NTM: variants seen among roughly 807,000 people sequenced by gnomAD.
The protein encoded by NTM is neurotrimin.
A neutral mutation model predicts 42.1 loss-of-function variants in NTM; 13 were observed. The observed-to-expected ratio is 0.31, with a 90% confidence interval of 0.20 to 0.49. The LOEUF (loss-of-function observed/expected upper bound fraction) is 0.49. NTM is among the 20% of genes least tolerant of loss of function. The probability of loss-of-function intolerance (pLI) is 0.99; values close to 1 mark genes in which losing one functional copy is unlikely to be tolerated. For missense variants in NTM, 373 were observed against 452.8 expected, an observed-to-expected ratio of 0.82 and a Z score of 1.60; for synonymous variants, 187 against 179.2, an observed-to-expected ratio of 1.04 and a Z score of -0.35.
chr11:132,317,225 CTCGT>C (rs1394877100), intron 7 of NTM, among the ~76,000 whole-genome samples: 2 of 152,282 alleles, frequency 1.3e-5, no homozygotes, highest in East Asian at 3.9e-4. Context: ...CTCTGGGGAG[CTCGT>C]TCGTTCCTAC....
At chr11:131,648,811 G>T (rs1399481452) in intron 1 of NTM, among the ~76,000 whole-genome samples, 2 of 152,114 alleles carry the variant, frequency 1.3e-5, no homozygotes, top group African/African-American at 4.8e-5. Flanking sequence ...CTTACTAAAG[G>T]GTGGGAAGAT....
rs565480599 is a variant in NTM at position 131,900,669 on chromosome 11, A to G, written c.83-10895A>G. On this transcript the variant is annotated intron_variant, in intron 1 of 8. Coordinates refer to ENST00000683400, the MANE Select transcript of NTM (RefSeq NM_001352005.2). ...AGAGAAAGAGGGAGAGAGAGAGAGAAAGAGAGAGAGAGAGATTGGGTAATG... is the reference window on the plus strand; with the variant it reads ...AGAGAAAGAGGGAGAGAGAGAGAGAGAGAGAGAGAGAGAGATTGGGTAATG... Among the ~76,000 whole-genome samples the G allele has an allele frequency of 2.6e-3, 386 of 150,736 alleles. 2 individuals carry two copies. The highest frequency in any genetic ancestry group is 8.6e-3 in the African/African-American group (355 of 41,154).
intron 7 of NTM, among the ~76,000 whole-genome samples, chr11:132,328,738 T>G (rs1377775409): frequency 2.2e-4 from 33 of 152,088 alleles, no homozygotes; most frequent in Admixed American, 2.2e-3. Context: ...CTCCTTCCAG[T>G]TATCTTTTTT....
At chr11:132,217,251 A>C (rs2084038365) in intron 4 of NTM, among the ~76,000 whole-genome samples, 1 of 152,156 alleles carries the variant, frequency 6.6e-6, no homozygotes, top group Admixed American at 6.5e-5. Flanking sequence ...CATTCCTTAT[A>C]GGTTAACTAA....
At chr11:131,761,226 C>T (rs2084123520) in intron 1 of NTM, among the ~76,000 whole-genome samples, 1 of 152,150 alleles carries the variant, frequency 6.6e-6, no homozygotes. Context: ...CATCCTATTC[C>T]TCACAGCAGT....
intron 3 of NTM, among the ~76,000 whole-genome samples, chr11:132,160,571 G>A (rs1006115182): frequency 6.6e-6 from 1 of 152,222 alleles, no homozygotes; most frequent in African/African-American, 2.4e-5. Flanking sequence ...GGTAGAGCAC[G>A]AATGCCCTAG....
At chr11:131,825,166 C>A (rs1448695435) in intron 1 of NTM, among the ~76,000 whole-genome samples, 1 of 152,128 alleles carries the variant, frequency 6.6e-6, no homozygotes, top group African/African-American at 2.4e-5. Flanking sequence ...GATGCTTCAT[C>A]CCAATCTCTG....
At chr11:131,919,601 T>C (rs2056920745) in intron 2 of NTM, among the ~76,000 whole-genome samples, 1 of 151,864 alleles carries the variant, frequency 6.6e-6, no homozygotes, top group South Asian at 2.1e-4. Flanking sequence ...GTTTGTTTGA[T>C]TGCAGGCAAA....
intron 4 of NTM, among the ~76,000 whole-genome samples, chr11:132,215,259 G>T (rs1033434174): frequency 1.3e-5 from 2 of 152,194 alleles, no homozygotes; most frequent in African/African-American, 2.4e-5. Flanking sequence ...CAAATCCCTG[G>T]ATGAACAGCT....
rs373033127 is a variant in NTM, at chr11:131,914,483, C to A, written c.167+2835C>A. 1.4e-4 allele frequency among the ~76,000 whole-genome samples: 22 copies of A among 152,260 alleles called. 1 individual carries two copies. In the East Asian group the frequency reaches 3.7e-3, roughly 25 times the overall value. ...AGTTTTCTTCATAACCAGCAGAGGA[C>A]TTTTTGCTCTAATTTCATTTTATTC... On this transcript the variant is annotated intron_variant, in intron 2 of 8. Coordinates refer to ENST00000683400, the MANE Select transcript of NTM (RefSeq NM_001352005.2).
chr11:132,270,509 A>T (rs2093424852), intron 4 of NTM, among the ~76,000 whole-genome samples: 1 of 152,216 alleles, frequency 6.6e-6, no homozygotes, highest in Non-Finnish European at 1.5e-5. Context: ...GATTACAAGC[A>T]TGAGTCACTG....
In NTM at chr11:131,976,913, G is replaced by A. The variant is rs142633938; in HGVS notation, c.167+65265G>A. ...CTGTTCCCTAAATGAAGAGCAGCAT[G>A]AGGAATACACAGAGAATGAAAAATA... On this transcript the variant is annotated intron_variant, in intron 2 of 8. Transcript: ENST00000683400. Among the ~76,000 whole-genome samples, 248 of 152,294 alleles carry A rather than the reference G, an allele frequency of 1.6e-3. 1 individual carries two copies. The highest frequency in any genetic ancestry group is 5.6e-3 in the African/African-American group (234 of 41,562).
chr11:131,615,132 C>T (rs777079008), intron 1 of NTM, among the ~76,000 whole-genome samples: 7 of 152,138 alleles, frequency 4.6e-5, no homozygotes, highest in Admixed American at 1.3e-4. Context: ...CACACAATGG[C>T]GAAACACTTG....
chr11:131,850,742 G>A (rs767268407), intron 1 of NTM, among the ~76,000 whole-genome samples: 1 of 152,172 alleles, frequency 6.6e-6, no homozygotes, highest in African/African-American at 2.4e-5. Context: ...ATCGGATTTG[G>A]CTGCGATTGT....
At chr11:132,127,690 A>G (rs974953842) in intron 2 of NTM, among the ~76,000 whole-genome samples, 3 of 152,220 alleles carry the variant, frequency 2.0e-5, no homozygotes, top group African/African-American at 7.2e-5. Context: ...CCAGAGCGGC[A>G]TTCCGGCGGA....
intron 3 of NTM, among the ~76,000 whole-genome samples, chr11:132,166,359 G>A (rs1039925804): frequency 3.9e-5 from 6 of 152,070 alleles, no homozygotes; most frequent in East Asian, 3.9e-4. Context: ...CCTCACCCAC[G>A]ATAATCTAGA....
intron 1 of NTM, among the ~76,000 whole-genome samples, chr11:131,585,004 G>T (rs994242712): frequency 1.3e-5 from 2 of 151,366 alleles, no homozygotes; most frequent in African/African-American, 2.4e-5. Context: ...GGGGTGCAGT[G>T]GGGGGGAAGC....
intron 1 of NTM, among the ~76,000 whole-genome samples, chr11:131,781,356 T>A (rs909047726): frequency 1.1e-4 from 16 of 152,002 alleles, no homozygotes; most frequent in Non-Finnish European, 2.2e-4. Context: ...TCATACTGAA[T>A]AGGAGTAATA....
chr11:132,222,553 C>T (rs540972859), intron 4 of NTM, among the ~76,000 whole-genome samples: 2 of 152,282 alleles, frequency 1.3e-5, no homozygotes, highest in East Asian at 1.9e-4. Context: ...AGAACCAGGA[C>T]AGTTGAAAGG....
Sources: gnomAD v4.1 joint callset for allele counts (sites outside exome capture counted in the v4.1 genomes callset) on GRCh38, gnomAD v4.1.1 for gene constraint, MANE v1.5 for transcripts, NCBI Gene and HGNC (gene_info 2026-07-23, HGNC 2026-07-21) for gene names.